Variants in ROBO1 observed in about 807,000 individuals in gnomAD.
The protein encoded by ROBO1 is roundabout guidance receptor 1, also known as roundabout homolog 1.
Under a neutral mutation model 195.9 loss-of-function variants are expected in ROBO1, and 149 were observed. That is an observed-to-expected ratio of 0.76 (90% CI 0.67 to 0.87). The LOEUF (loss-of-function observed/expected upper bound fraction) is 0.87. ROBO1 is among the 40% of genes least tolerant of loss of function. The pLI, the probability that ROBO1 is intolerant of heterozygous loss-of-function variation, is 0.00. For synonymous variants in ROBO1, 816 were observed against 733.2 expected, an observed-to-expected ratio of 1.11 and a Z score of -1.82; for missense variants, 1,933 against 2,068.3, an observed-to-expected ratio of 0.93 and a Z score of 1.27.
At chr3:79,013,086 A>G (rs2077827499) in intron 3 of ROBO1, among the ~76,000 whole-genome samples, 1 of 151,914 alleles carries the variant, frequency 6.6e-6, no homozygotes, top group Non-Finnish European at 1.5e-5. Context: ...TTATCTGTGA[A>G]CAGCAGTCAA....
intron 3 of ROBO1, among the ~76,000 whole-genome samples, chr3:79,092,127 G>C (rs1459651956): frequency 6.6e-6 from 1 of 152,136 alleles, no homozygotes; most frequent in African/African-American, 2.4e-5. Flanking sequence ...GGCAGAGACG[G>C]GAAACATAGT....
chr3:79,621,874 G>GT (rs1233721672), intron 1 of ROBO1, among the ~76,000 whole-genome samples: 9 of 152,144 alleles, frequency 5.9e-5, no homozygotes, highest in Non-Finnish European at 1.0e-4. Context: ...AGGCAACTAC[G>GT]TAACAACATA....
At chr3:79,445,522 C>T (rs1289089549) in intron 2 of ROBO1, among the ~76,000 whole-genome samples, 3 of 118,000 alleles carry the variant, frequency 2.5e-5, no homozygotes, top group African/African-American at 1.0e-4. Context: ...TTTATTGAGA[C>T]AGGGTCTTGC....
At chr3:79,729,492 A>T (rs1703058516) in intron 1 of ROBO1, among the ~76,000 whole-genome samples, 7 of 152,226 alleles carry the variant, frequency 4.6e-5, no homozygotes, top group Admixed American at 4.6e-4. Flanking sequence ...TAGAAAAAAA[A>T]GTGCTGTGTT....
chr3:79,067,796 A>T (rs886667933), intron 3 of ROBO1, among the ~76,000 whole-genome samples: 4 of 151,948 alleles, frequency 2.6e-5, no homozygotes, highest in Non-Finnish European at 5.9e-5. Context: ...TGGGAACCTG[A>T]AAGTGGTTTA....
chr3:79,172,807 T>C (rs1468819377), intron 2 of ROBO1, among the ~76,000 whole-genome samples: 1 of 152,172 alleles, frequency 6.6e-6, no homozygotes, highest in Non-Finnish European at 1.5e-5. Context: ...CGACATTTGT[T>C]CTTTTAGTTT....
At chr3:79,200,414 A>T (rs1030357269) in intron 2 of ROBO1, among the ~76,000 whole-genome samples, 8 of 151,854 alleles carry the variant, frequency 5.3e-5, no homozygotes, top group Non-Finnish European at 1.2e-4. Flanking sequence ...TTTCAGGATT[A>T]AAAAATATAC....
chr3:79,565,508 A>T (rs1272633121), intron 2 of ROBO1, among the ~76,000 whole-genome samples: 2 of 152,066 alleles, frequency 1.3e-5, no homozygotes, highest in African/African-American at 2.4e-5. Flanking sequence ...TAGGCTGCCA[A>T]ACCTGTATTT....
chr3:79,507,388 T>G (rs2107527564), intron 2 of ROBO1, among the ~76,000 whole-genome samples: 1 of 152,290 alleles, frequency 6.6e-6, no homozygotes, highest in South Asian at 2.1e-4. Context: ...CTTTCCTCTC[T>G]ATTGAAATAG....
At chr3:79,263,186 G>A (rs2082971975) in intron 2 of ROBO1, among the ~76,000 whole-genome samples, 1 of 152,022 alleles carries the variant, frequency 6.6e-6, no homozygotes, top group African/African-American at 2.4e-5. Context: ...AACTTTTTGA[G>A]AAAATAGAAG....
intron 4 of ROBO1, among the ~76,000 whole-genome samples, chr3:78,834,285 G>A (rs1460645126): frequency 3.3e-5 from 5 of 151,826 alleles, no homozygotes; most frequent in Non-Finnish European, 7.4e-5. Flanking sequence ...GGGAGAAAGA[G>A]AATCTGGGAA....
intron 4 of ROBO1, among the ~76,000 whole-genome samples, chr3:78,879,434 T>G (rs891064124): frequency 5.9e-5 from 9 of 152,070 alleles, no homozygotes; most frequent in African/African-American, 1.9e-4. Flanking sequence ...GCTTGACCTA[T>G]ATACGAGGTT....
At chr3:79,434,646 A>T (rs1049754364) in intron 2 of ROBO1, among the ~76,000 whole-genome samples, 2 of 152,174 alleles carry the variant, frequency 1.3e-5, no homozygotes, top group African/African-American at 4.8e-5. Context: ...ATTGTGGAAG[A>T]CAGTGTGGCG....
chr3:79,519,628 C>CAAAAAAAAAAAAAAA (rs71631657), intron 2 of ROBO1, among the ~76,000 whole-genome samples: 43 of 64,636 alleles, frequency 6.7e-4, no homozygotes, highest in African/African-American at 9.7e-4. Flanking sequence ...GACTCCTGCT[C>CAAAAAAAAAAAAAAA]AAAAAAAAAA....
chr3:79,432,901 G>A (rs2038733866), intron 2 of ROBO1, among the ~76,000 whole-genome samples: 1 of 152,078 alleles, frequency 6.6e-6, no homozygotes, highest in African/African-American at 2.4e-5. Flanking sequence ...GGAAAATCCT[G>A]TCTTCAATAT....
intron 2 of ROBO1, among the ~76,000 whole-genome samples, chr3:79,563,492 A>T (rs1942991250): frequency 6.6e-6 from 1 of 152,152 alleles, no homozygotes; most frequent in African/African-American, 2.4e-5. Flanking sequence ...CTTCATTCAA[A>T]AAATAGCTAT....
intron 4 of ROBO1, among the ~76,000 whole-genome samples, chr3:78,896,576 G>T (rs1435036675): frequency 7.3e-6 from 1 of 137,044 alleles, no homozygotes; most frequent in African/African-American, 2.8e-5. Flanking sequence ...AAGAACTAAC[G>T]ATAATCCCAC....
At chr3:79,269,577 A>T (rs990240306) in intron 2 of ROBO1, among the ~76,000 whole-genome samples, 1 of 151,726 alleles carries the variant, frequency 6.6e-6, no homozygotes, top group Non-Finnish European at 1.5e-5. Flanking sequence ...GGTTCCTCAT[A>T]CATTTATTAG....
intron 3 of ROBO1, among the ~76,000 whole-genome samples, chr3:79,063,364 C>T (rs868026368): frequency 4.6e-5 from 7 of 151,850 alleles, no homozygotes; most frequent in African/African-American, 7.3e-5. Context: ...AATACAACAA[C>T]GTTAGTGTTG....
Sources: gnomAD v4.1 joint callset for allele counts (sites outside exome capture counted in the v4.1 genomes callset) on GRCh38, gnomAD v4.1.1 for gene constraint, MANE v1.5 for transcripts, NCBI Gene and HGNC (gene_info 2026-07-23, HGNC 2026-07-21) for gene names.